Variants in MAF observed in about 807,000 individuals in gnomAD.
The protein encoded by MAF is transcription factor Maf.
Under a neutral mutation model 22.0 loss-of-function variants are expected in MAF, and 10 were observed. The ratio of observed to expected loss-of-function variants is 0.45; its 90% CI spans 0.28 to 0.77. The LOEUF is 0.77. MAF is among the 30% of genes least tolerant of loss of function. The pLI is 0.12. For synonymous variants in MAF, 337 were observed against 255.8 expected, an observed-to-expected ratio of 1.32 and a Z score of -3.03; for missense variants, 544 against 548.4, an observed-to-expected ratio of 0.99 and a Z score of 0.08.
In MAF at chr16:79,599,102, C is replaced by CT; in HGVS notation, c.800_801insA (p.Thr268AspfsTer108). ...GGTTCAGCTCGCGCACAGACATGGTCACCAGCTGCTCGTCGGAGAAGCGGT... is the reference window on the plus strand; with the variant it reads ...GGTTCAGCTCGCGCACAGACATGGTCTACCAGCTGCTCGTCGGAGAAGCGGT... On this transcript the variant is annotated frameshift_variant, in exon 1 of 2. Transcript: ENST00000326043. LOFTEE classifies it high-confidence loss of function. 2 of 1,605,282 alleles carry CT rather than the reference C, an allele frequency of 1.2e-6. No individual in the cohort carries two copies. Among genetic ancestry groups the CT allele is most frequent in the Admixed American group, 1.7e-5 (1 of 59,830 alleles).
chr16:79,484,288 C>A, the MAF span, among the ~76,000 whole-genome samples: 3 of 152,194 alleles, frequency 2.0e-5, no homozygotes, highest in Admixed American at 6.5e-5. Flanking sequence ...GCTGGCGTGA[C>A]AAGGCTGGTG....
At chr16:79,360,763 G>T in the MAF span, among the ~76,000 whole-genome samples, 1 of 152,140 alleles carries the variant, frequency 6.6e-6, no homozygotes, top group Non-Finnish European at 1.5e-5. Context: ...AAGATCCACT[G>T]CAAGAAGGAG....
the MAF span, among the ~76,000 whole-genome samples, chr16:79,558,351 G>T: frequency 6.6e-6 from 1 of 152,138 alleles, no homozygotes; most frequent in Non-Finnish European, 1.5e-5. Flanking sequence ...AGAGAGGCTG[G>T]TCCATCAACC....
the MAF span, among the ~76,000 whole-genome samples, chr16:79,230,523 C>G: frequency 3.9e-5 from 6 of 152,102 alleles, no homozygotes; most frequent in Admixed American, 3.3e-4. Context: ...CCTGGAAAAC[C>G]ATGTAGTACA....
chr16:79,515,603 G>T, the MAF span, among the ~76,000 whole-genome samples: 7 of 152,200 alleles, frequency 4.6e-5, no homozygotes, highest in African/African-American at 1.7e-4. Context: ...GACATTTTCA[G>T]TGCATGGTTT....
the MAF span, among the ~76,000 whole-genome samples, chr16:79,379,229 T>A: frequency 6.6e-6 from 1 of 152,198 alleles, no homozygotes; most frequent in Non-Finnish European, 1.5e-5. Flanking sequence ...AGATTGGTTG[T>A]GTCTACCTAG....
the MAF span, among the ~76,000 whole-genome samples, chr16:79,539,557 A>G: frequency 6.6e-6 from 1 of 152,226 alleles, no homozygotes; most frequent in South Asian, 2.1e-4. Context: ...AAAATTAACT[A>G]TAACAATTTT....
At chr16:79,285,045 A>G in the MAF span, among the ~76,000 whole-genome samples, 1 of 152,146 alleles carries the variant, frequency 6.6e-6, no homozygotes, top group Non-Finnish European at 1.5e-5. Flanking sequence ...GAAAATAGTT[A>G]TTTACTATTT....
the MAF span, among the ~76,000 whole-genome samples, chr16:79,548,237 T>C: frequency 6.6e-6 from 1 of 152,228 alleles, no homozygotes; most frequent in Non-Finnish European, 1.5e-5. Flanking sequence ...AAATATCATA[T>C]ATATTTCTAA....
the MAF span, among the ~76,000 whole-genome samples, chr16:79,327,340 A>G: frequency 5.3e-5 from 8 of 152,202 alleles, no homozygotes; most frequent in East Asian, 3.9e-4. Context: ...GACATTTATT[A>G]TCATATGGCC....
At chr16:79,558,248 T>C in the MAF span, among the ~76,000 whole-genome samples, 1 of 151,944 alleles carries the variant, frequency 6.6e-6, no homozygotes, top group Non-Finnish European at 1.5e-5. Context: ...ACTTGAGCTA[T>C]GCCATGTTGA....
the MAF span, among the ~76,000 whole-genome samples, chr16:79,447,905 A>AAAAAAAAAAAAAAG: frequency 0.039 from 3,330 of 85,214 alleles, 5 homozygotes; most frequent in Non-Finnish European, 0.056. Flanking sequence ...AAAAAAAAAA[A>AAAAAAAAAAAAAAG]AAAAGAAAAG....
chr16:79,588,080 G>A (rs1912964110), intron 1 of MAF, among the ~76,000 whole-genome samples: 1 of 152,148 alleles, frequency 6.6e-6, no homozygotes, highest in South Asian at 2.1e-4. Context: ...TCTTACACTT[G>A]GATCTGTTTA....
chr16:79,340,824 G>C, the MAF span, among the ~76,000 whole-genome samples: 1 of 152,056 alleles, frequency 6.6e-6, no homozygotes, highest in Non-Finnish European at 1.5e-5. Context: ...GAAGCAAATC[G>C]CCCCCTCATT....
At chr16:79,471,544 G>A in the MAF span, among the ~76,000 whole-genome samples, 1 of 152,204 alleles carries the variant, frequency 6.6e-6, no homozygotes, top group Non-Finnish European at 1.5e-5. Flanking sequence ...GGGCATGGTG[G>A]TGCACACCTG....
chr16:79,572,092 G>A, the MAF span, among the ~76,000 whole-genome samples: 1,668 of 152,316 alleles, frequency 0.011, 27 homozygotes, highest in African/African-American at 0.038. Flanking sequence ...CCACCTCTAA[G>A]CTGCTGCTAA....
At chr16:79,379,426 A>T in the MAF span, among the ~76,000 whole-genome samples, 12 of 152,090 alleles carry the variant, frequency 7.9e-5, no homozygotes, top group Admixed American at 2.0e-4. Flanking sequence ...CTATCTTATA[A>T]AAGTATTTCT....
At chr16:79,211,812 G>C in the MAF span, 5 of 1,613,798 alleles carry the variant, frequency 3.1e-6, no homozygotes, top group Admixed American at 3.3e-5. Context: ...GCTCAGAGCG[G>C]ATGGGCACAC....
chr16:79,314,605 T>A, the MAF span, among the ~76,000 whole-genome samples: 4 of 152,170 alleles, frequency 2.6e-5, no homozygotes, highest in Non-Finnish European at 4.4e-5. Flanking sequence ...AGCACCAGTT[T>A]GGCAAGGTAA....
Sources: gnomAD v4.1 joint callset for allele counts (sites outside exome capture counted in the v4.1 genomes callset) on GRCh38, gnomAD v4.1.1 for gene constraint, MANE v1.5 for transcripts, NCBI Gene and HGNC (gene_info 2026-07-23, HGNC 2026-07-21) for gene names.